The following TRIM71 variants were observed in gnomAD, a reference collection of about 807,000 sequenced individuals.
TRIM71 encodes the protein E3 ubiquitin-protein ligase TRIM71.
Under a neutral mutation model 61.2 loss-of-function variants are expected in TRIM71, and 9 were observed. The observed-to-expected ratio is 0.15, with a 90% CI of 0.09 to 0.26. TRIM71 has a LOEUF of 0.26. TRIM71 is among the 10% of genes least tolerant of loss of function. The pLI is 1.00. For synonymous variants in TRIM71, 645 were observed against 553.2 expected, an observed-to-expected ratio of 1.17 and a Z score of -2.33; for missense variants, 998 against 1,238.7, an observed-to-expected ratio of 0.81 and a Z score of 2.92.
At position 32,874,024 on chromosome 3, in the gene TRIM71, C is replaced by T. The variant is rs199770087; in HGVS notation, c.1020+39C>T. 8.1e-5 allele frequency: 126 copies of T among 1,551,904 alleles called. No homozygotes were observed. In the Admixed American group the frequency reaches 1.5e-3, roughly 19 times the overall value. On this transcript the variant is annotated intron_variant, in intron 2 of 3. Transcript: ENST00000383763. Reference sequence around the variant, plus strand: ...GCCCTTCTGCAGTTCCCACGTGAATCGAGCCCCCCTTTCTGTCGGGTGGCA... The same window carrying T: ...GCCCTTCTGCAGTTCCCACGTGAATTGAGCCCCCCTTTCTGTCGGGTGGCA...
intron 2 of TRIM71, among the ~76,000 whole-genome samples, chr3:32,879,317 T>C (rs1696883196): frequency 1.3e-5 from 2 of 152,250 alleles, no homozygotes; most frequent in Non-Finnish European, 2.9e-5. Flanking sequence ...AGTGAACTTC[T>C]AATTTATTTC....
chr3:32,836,242 C>T (rs1231756185), intron 1 of TRIM71, among the ~76,000 whole-genome samples: 1 of 152,096 alleles, frequency 6.6e-6, no homozygotes, highest in African/African-American at 2.4e-5. Context: ...CCCACCCCTC[C>T]CTTATTGCCA....
At chr3:32,885,271 T>G (rs2125692005) in intron 2 of TRIM71, among the ~76,000 whole-genome samples, 1 of 151,956 alleles carries the variant, frequency 6.6e-6, no homozygotes, top group South Asian at 2.1e-4. Context: ...CCATGCCTTC[T>G]GTCTGGATTA....
chr3:32,890,317 T>C lies in TRIM71; in HGVS notation c.1156-43T>C. 1 of 1,582,134 alleles carries C rather than the reference T, an allele frequency of 6.3e-7. No homozygotes were observed. The highest frequency in any genetic ancestry group is 8.6e-7 in the Non-Finnish European group (1 of 1,160,630). ...TTATGTGGTATTTTCTGTGCTTGGCTCTAAGCCTCTGTGTCTTTCTCCACT... is the reference window on the plus strand; with the variant it reads ...TTATGTGGTATTTTCTGTGCTTGGCCCTAAGCCTCTGTGTCTTTCTCCACT... On this transcript the variant is annotated intron_variant, in intron 3 of 3. Coordinates refer to ENST00000383763, the MANE Select transcript of TRIM71 (RefSeq NM_001039111.3). The surrounding 1 kb of genome is among the most constrained non-coding windows in gnomAD (Gnocchi z 6.2).
intron 1 of TRIM71, among the ~76,000 whole-genome samples, chr3:32,858,138 ATCTATGTATAAGTGGACCCTTGTGTT>A (rs1696627452): frequency 6.6e-6 from 1 of 152,106 alleles, no homozygotes; most frequent in Non-Finnish European, 1.5e-5. Context: ...GTAGAAGAAA[ATCTATGTATAAGTGGACCCTTGTGTT>A]TCAAACCCGT....
intron 1 of TRIM71, among the ~76,000 whole-genome samples, chr3:32,840,900 A>AT (rs1696396548): frequency 6.6e-6 from 1 of 152,132 alleles, no homozygotes; most frequent in African/African-American, 2.4e-5. Flanking sequence ...GGCTGGTCTA[A>AT]GTGAGCCAGC....
Position 32,818,199 on chromosome 3 carries a change from C to T in TRIM71, c.119C>T (p.Thr40Met), listed in dbSNP as rs748901412. The change falls in exon 1 of 4, where the codon ACG (threonine) becomes ATG (methionine). Residue 40 changes from threonine to methionine, a missense_variant. By Grantham distance (81) the Thr-to-Met change is moderately conservative. Around this residue, in one of 5 missense-constraint regions of TRIM71, gnomAD observed 527 missense variants for 427.8 expected, o/e 1.23. Transcript: ENST00000383763. ...TCGTCGTCCTCCTCGCAGACGTCCA[C>T]GTCGTCGGGGGGCGGCGGCGGGGGC... ...SASSSSSQTSTSSGGGGGGPG... is the reference protein window; with the variant it reads ...SASSSSSQTSMSSGGGGGGPG... 1.5e-5 allele frequency: 24 copies of T among 1,574,788 alleles called. No homozygotes were observed. The highest frequency in any genetic ancestry group is 5.6e-5 in the South Asian group (5 of 88,638).
chr3:32,844,213 G>A (rs541567010), intron 1 of TRIM71, among the ~76,000 whole-genome samples: 120 of 152,210 alleles, frequency 7.9e-4, no homozygotes, highest in African/African-American at 2.7e-3. Flanking sequence ...CTAAAACTGG[G>A]GTGGGGCTCA....
chr3:32,875,001 A>C (rs900216558), intron 2 of TRIM71, among the ~76,000 whole-genome samples: 3 of 151,892 alleles, frequency 2.0e-5, no homozygotes, highest in African/African-American at 7.3e-5. Context: ...TTCTATTTTT[A>C]GTAGAGACGG....
chr3:32,885,668 G>T (rs904406135), intron 2 of TRIM71, among the ~76,000 whole-genome samples: 1 of 152,198 alleles, frequency 6.6e-6, no homozygotes, highest in African/African-American at 2.4e-5. Context: ...CTGTGTCAGA[G>T]TATCTCTTAA....
chr3:32,850,695 A>AAT (rs1376023524), intron 1 of TRIM71, among the ~76,000 whole-genome samples: 1 of 152,216 alleles, frequency 6.6e-6, no homozygotes, highest in Non-Finnish European at 1.5e-5. Flanking sequence ...TTTAAGCTGA[A>AAT]ATACTGAGTG....
chr3:32,865,221 C>T (rs778439023), intron 1 of TRIM71, among the ~76,000 whole-genome samples: 3 of 152,106 alleles, frequency 2.0e-5, no homozygotes, highest in Non-Finnish European at 4.4e-5. Flanking sequence ...CCCAGCTACT[C>T]AGGAGGCTGC....
chr3:32,835,143 G>C (rs1696320651), intron 1 of TRIM71, among the ~76,000 whole-genome samples: 1 of 152,224 alleles, frequency 6.6e-6, no homozygotes, highest in South Asian at 2.1e-4. Context: ...GCTCTGGTTT[G>C]AGAGAAGAGG....
At position 32,866,512 on chromosome 3, in the gene TRIM71, C is replaced by T. The variant is rs577857518; in HGVS notation, c.853-7306C>T. On this transcript the variant is annotated intron_variant, in intron 1 of 3. Transcript: ENST00000383763. ...AAAGTTCTGGGATTACAGGCGTGAG[C>T]CACCACGCCTGATCAATGCTTTGTG... 2.0e-5 allele frequency among the ~76,000 whole-genome samples: 3 copies of T among 152,330 alleles called. No individual in the cohort carries two copies. The South Asian group carries it at 6.2e-4, about 32-fold the overall frequency.
chr3:32,867,186 C>CTT (rs562676188), intron 1 of TRIM71, among the ~76,000 whole-genome samples: 7 of 151,990 alleles, frequency 4.6e-5, no homozygotes, highest in Middle Eastern at 3.4e-3. Context: ...CCTCCCCCTC[C>CTT]TCTTTTTTAG....
chr3:32,854,381 C>G (rs1399737833), intron 1 of TRIM71, among the ~76,000 whole-genome samples: 1 of 152,196 alleles, frequency 6.6e-6, no homozygotes, highest in Non-Finnish European at 1.5e-5. Context: ...TGGACATATA[C>G]ATGTAAAGAT....
chr3:32,835,297 GAAAC>G (rs1432115716), intron 1 of TRIM71, among the ~76,000 whole-genome samples: 2 of 152,174 alleles, frequency 1.3e-5, no homozygotes, highest in Admixed American at 6.5e-5. Context: ...AGCAGGTTAA[GAAAC>G]ATTCTCATTT....
At position 32,865,530 on chromosome 3, in the gene TRIM71, G is replaced by A. The variant is rs80175612; in HGVS notation, c.853-8288G>A. 4.3e-3 allele frequency among the ~76,000 whole-genome samples: 649 copies of A among 152,222 alleles called. 6 individuals carry two copies. Among genetic ancestry groups the A allele is most frequent in the East Asian group, 0.04 (208 of 5,178 alleles). On this transcript the variant is annotated intron_variant, in intron 1 of 3. Coordinates refer to ENST00000383763, the MANE Select transcript of TRIM71 (RefSeq NM_001039111.3). ...GACTCTGCCAAAACTGGTCGAAGGC[G>A]TTTGCTGTGCTGCCCAGGGCATTGT... is the stretch of plus-strand genomic sequence containing the variant.
intron 1 of TRIM71, among the ~76,000 whole-genome samples, chr3:32,836,666 G>A (rs1696338232): frequency 6.6e-6 from 1 of 152,178 alleles, no homozygotes; most frequent in African/African-American, 2.4e-5. Flanking sequence ...GTTAGTGAAT[G>A]GTTTCTTGTC....
Sources: gnomAD v4.1 joint callset for allele counts (sites outside exome capture counted in the v4.1 genomes callset) on GRCh38, gnomAD v4.1.1 for gene constraint, gnomAD v4.1.1 regional missense constraint, Gnocchi (gnomAD v3.1) non-coding constraint, MANE v1.5 for transcripts, NCBI Gene and HGNC (gene_info 2026-07-23, HGNC 2026-07-21) for gene names.